HEATR4: variants seen among roughly 807,000 people sequenced by gnomAD.
The protein encoded by HEATR4 is HEAT repeat containing 4, also known as HEAT repeat-containing protein 4.
In HEATR4, 95 loss-of-function variants were observed where a neutral mutation model predicts 108.8. The observed-to-expected ratio is 0.87, with a 90% CI of 0.74 to 1.04. The LOEUF (loss-of-function observed/expected upper bound fraction) is 1.04. Among genes scored for constraint, HEATR4 ranks in the 50% least tolerant of loss-of-function variants. HEATR4 has a pLI of 0.00. For missense variants in HEATR4, 1,152 were observed against 1,253.8 expected (o/e 0.92, Z 1.23); for synonymous variants, 443 against 459.4 (o/e 0.96, Z 0.46).
the HEATR4 span, among the ~76,000 whole-genome samples, chr14:73,568,425 G>T: frequency 6.6e-6 from 1 of 151,904 alleles, no homozygotes. Flanking sequence ...GATGCATGGG[G>T]AGCTCCGGTA....
chr14:73,587,572 T>A, the HEATR4 span, among the ~76,000 whole-genome samples: 1 of 152,204 alleles, frequency 6.6e-6, no homozygotes, highest in African/African-American at 2.4e-5. Context: ...GCCAAGCTGG[T>A]CTCAAACTCC....
intron 1 of HEATR4, among the ~76,000 whole-genome samples, chr14:73,536,422 G>A (rs1888862778): frequency 9.3e-6 from 1 of 107,664 alleles, no homozygotes; most frequent in South Asian, 3.0e-4. Context: ...GCAGGAAGAT[G>A]GCTTTAGCCC....
At position 73,492,298 on chromosome 14, in the gene HEATR4, C is replaced by G; in HGVS notation, c.2844+768G>C. The G allele has an allele frequency of 6.2e-7, 1 of 1,614,046 alleles. No individual in the cohort carries two copies. The highest frequency in any genetic ancestry group is 8.5e-7 in the Non-Finnish European group (1 of 1,179,902). On this transcript the variant is annotated intron_variant, in intron 17 of 17. Transcript: ENST00000553558. The surrounding 1 kb of genome is among the most constrained non-coding windows in gnomAD (Gnocchi z 4.9). ...CCTTGTCCACGTACCAGCGCAATAC[C>G]TGGGGTGACTTCTTAGAGGCCATAC... is the stretch of plus-strand genomic sequence containing the variant.
At chr14:73,618,885 C>A in the HEATR4 span, among the ~76,000 whole-genome samples, 1 of 152,166 alleles carries the variant, frequency 6.6e-6, no homozygotes, top group Non-Finnish European at 1.5e-5. Context: ...AATCCCAGCA[C>A]TTTGGGAGGC....
At chr14:73,485,905 C>T (rs142148543) in intron 17 of HEATR4, among the ~76,000 whole-genome samples, 106 of 151,842 alleles carry the variant, frequency 7.0e-4, no homozygotes, top group African/African-American at 2.2e-3. Context: ...ATAGCAACAG[C>T]GTCTCACCAT....
the HEATR4 span, among the ~76,000 whole-genome samples, chr14:73,622,176 T>A: frequency 2.0e-5 from 3 of 151,754 alleles, no homozygotes; most frequent in Admixed American, 2.0e-4. Flanking sequence ...AGGAGGAAGA[T>A]ATGAGGAAAG....
intron 10 of HEATR4, among the ~76,000 whole-genome samples, chr14:73,503,760 C>T (rs535213833): frequency 1.0e-3 from 158 of 152,306 alleles, no homozygotes; most frequent in Non-Finnish European, 4.3e-4. Context: ...CATTTACTAA[C>T]GGAAGACTTA....
At chr14:73,618,154 CCAA>C in the HEATR4 span, among the ~76,000 whole-genome samples, 48 of 151,998 alleles carry the variant, frequency 3.2e-4, no homozygotes, top group South Asian at 6.2e-4. Context: ...AAAAAAAAAC[CCAA>C]CAACAACAAC....
intron 2 of HEATR4, among the ~76,000 whole-genome samples, chr14:73,529,901 T>A (rs991994105): frequency 6.7e-6 from 1 of 148,886 alleles, no homozygotes; most frequent in Non-Finnish European, 1.5e-5. Context: ...TCTGAAGTTC[T>A]GAGGTGGAGT....
intron 10 of HEATR4, among the ~76,000 whole-genome samples, chr14:73,504,988 G>A (rs1304127697): frequency 2.6e-5 from 4 of 151,996 alleles, no homozygotes; most frequent in African/African-American, 9.7e-5. Flanking sequence ...CTGGAGTGCA[G>A]TGGCACGATC....
chr14:73,562,573 G>A (rs761803167), upstream of HEATR4, among the ~76,000 whole-genome samples: 1 of 151,962 alleles, frequency 6.6e-6, no homozygotes, highest in African/African-American at 2.4e-5. Flanking sequence ...GCCTACAAAC[G>A]GACGTGCAAG....
the HEATR4 span, among the ~76,000 whole-genome samples, chr14:73,566,185 A>C: frequency 3.0e-4 from 46 of 152,180 alleles, no homozygotes; most frequent in South Asian, 2.1e-4. Flanking sequence ...CTAGATACAG[A>C]GTGCCGATTG....
chr14:73,617,144 T>A, the HEATR4 span: 1 of 1,614,016 alleles, frequency 6.2e-7, no homozygotes, highest in South Asian at 1.1e-5. Flanking sequence ...ATGATGTACA[T>A]CTGGAGTACT....
the HEATR4 span, chr14:73,591,982 A>G: frequency 3.6e-6 from 5 of 1,402,516 alleles, no homozygotes; most frequent in African/African-American, 3.1e-5. Context: ...CTGATCCTGG[A>G]GCCCCCAGGC....
the HEATR4 span, chr14:73,619,783 A>G: frequency 6.2e-7 from 1 of 1,610,934 alleles, no homozygotes; most frequent in South Asian, 1.1e-5. Context: ...GCAAATTCAA[A>G]CTTTCTTCCA....
At chr14:73,591,861 C>A in the HEATR4 span, 2 of 1,198,994 alleles carry the variant, frequency 1.7e-6, no homozygotes, top group Non-Finnish European at 2.2e-6. Flanking sequence ...GCTTCCGGCA[C>A]CAGGGGACGC....
chr14:73,591,986 C>G, the HEATR4 span: 1 of 1,415,666 alleles, frequency 7.1e-7, no homozygotes, highest in Non-Finnish European at 9.2e-7. Flanking sequence ...TCCTGGAGCC[C>G]CCAGGCCGCT....
the HEATR4 span, among the ~76,000 whole-genome samples, chr14:73,591,231 A>G: frequency 2.5e-5 from 3 of 121,348 alleles, no homozygotes; most frequent in Non-Finnish European, 5.0e-5. Context: ...TGGATGACAG[A>G]GAGAGACCCT....
At chr14:73,524,310 A>AAAAAAATATATATAT in intron 2 of HEATR4, among the ~76,000 whole-genome samples, 17 of 54,774 alleles carry the variant, frequency 3.1e-4, no homozygotes, top group East Asian at 9.0e-4. Context: ...AAAAAAAAAA[A>AAAAAAATATATATAT]ATATATATAT....
Sources: allele counts gnomAD v4.1 joint callset (sites outside exome capture counted in the v4.1 genomes callset), GRCh38; gene constraint gnomAD v4.1.1; non-coding constraint Gnocchi (gnomAD v3.1); transcripts MANE v1.5; gene names NCBI Gene and HGNC (gene_info 2026-07-23, HGNC 2026-07-21).